TTLL4: variants seen among roughly 807,000 people sequenced by gnomAD.
TTLL4 encodes the protein tubulin tyrosine ligase like 4.
In TTLL4, 85 loss-of-function variants were observed where a neutral mutation model predicts 122.7. That is an observed-to-expected ratio of 0.69 (90% CI 0.58 to 0.83). The LOEUF is 0.83. Among genes scored for constraint, TTLL4 ranks in the 40% least tolerant of loss-of-function variants. The pLI, the probability that TTLL4 is intolerant of heterozygous loss-of-function variation, is 0.00. For synonymous variants in TTLL4, 553 were observed against 563.0 expected (o/e 0.98, Z 0.25); for missense variants, 1,363 against 1,488.6 (o/e 0.92, Z 1.39).
At chr2:218,752,106 C>T (rs891191072) in intron 16 of TTLL4, among the ~76,000 whole-genome samples, 1 of 152,058 alleles carries the variant, frequency 6.6e-6, no homozygotes, top group Non-Finnish European at 1.5e-5. Context: ...TGGGGTTTCT[C>T]CATGTTGGTC....
intron 5 of TTLL4, among the ~76,000 whole-genome samples, chr2:218,744,862 T>G (rs545678020): frequency 2.0e-5 from 3 of 152,308 alleles, no homozygotes; most frequent in Non-Finnish European, 4.4e-5. Context: ...ATTTTGGAGC[T>G]GTATTGCAGA....
Position 218,752,984 on chromosome 2 carries a change from C to T in TTLL4, c.3187+11C>T, listed in dbSNP as rs967037013. ...GCAACAAGCTTAAAGGTGATGTGCC[C>T]TCCCTGCCCTCAGAAAGCCAAGTTT... is the stretch of plus-strand genomic sequence containing the variant. On this transcript the variant is annotated intron_variant, in intron 17 of 19. Transcript: ENST00000392102. The T allele has an allele frequency of 1.2e-6, 2 of 1,614,156 alleles. No homozygotes were observed.
intron 7 of TTLL4, 42 bp downstream of exon 7, chr2:218,745,843 A>T: frequency 1.3e-6 from 2 of 1,549,194 alleles, no homozygotes; most frequent in Non-Finnish European, 8.9e-7. Context: ...TTTTGCCCCA[A>T]ATAGATGGGC....
intron 2 of TTLL4, among the ~76,000 whole-genome samples, chr2:218,737,068 C>T (rs1942544774): frequency 6.6e-6 from 1 of 152,098 alleles, no homozygotes; most frequent in South Asian, 2.1e-4. Flanking sequence ...TCTTGAACTC[C>T]TGGGCTCAAG....
chr2:218,734,571 G>A (rs1001615192), intron 2 of TTLL4, among the ~76,000 whole-genome samples: 1 of 152,210 alleles, frequency 6.6e-6, no homozygotes, highest in Admixed American at 6.5e-5. Flanking sequence ...GTTGGGTGAA[G>A]AAGAAGAAAG....
rs1208632327 is a variant in TTLL4 at position 218,748,955 on chromosome 2, G to A, written c.2600+21G>A. ...ATCTCGTGAGTCACATTGCCAACCTGGATGTGGGGCCTGCTGCTGACCCCC... is the reference window on the plus strand; with the variant it reads ...ATCTCGTGAGTCACATTGCCAACCTAGATGTGGGGCCTGCTGCTGACCCCC... On this transcript the variant is annotated intron_variant, in intron 13 of 19. Transcript: ENST00000392102. The A allele has an allele frequency of 1.9e-6, 3 of 1,610,496 alleles. No individual in the cohort carries two copies. The South Asian group carries it at 3.3e-5, about 18-fold the overall frequency.
rs145485253 is a variant in TTLL4 at position 218,747,722 on chromosome 2, G to C, written c.2375G>C (p.Cys792Ser). The C allele has an allele frequency of 2.0e-5, 32 of 1,614,106 alleles. No individual in the cohort carries two copies. The highest frequency in any genetic ancestry group is 3.3e-5 in the Admixed American group (2 of 60,008). The change falls in exon 11 of 20, where the codon TGC (cysteine) becomes TCC (serine). Residue 792 changes from cysteine (C) to serine (S), a missense_variant. Physicochemically the swap from Cys to Ser is moderately radical, Grantham distance 112 (BLOSUM62 -1). Transcript: ENST00000392102. The surrounding 1 kb of genome is among the most constrained non-coding windows in gnomAD (Gnocchi z 4.7). ...GATGGACTGGTCCGCTTTGCCAGTT[G>C]CAAGTATGTGACAGTGGTGAGGTAT... The part of the protein sequence containing the change: ...FSDGLVRFAS[C>S]KYSPSMKSLG...
rs536442551 is a variant in TTLL4, at chr2:218,750,964, A to C, written c.2874-740A>C. ...AGTACCTGAGATGTGTGAGGAAAAA[A>C]ACCCTATAACTTACCCTTCCAATAA... On this transcript the variant is annotated intron_variant, in intron 15 of 19. Transcript: ENST00000392102. Among the ~76,000 whole-genome samples, 94 of 152,260 alleles carry C rather than the reference A, an allele frequency of 6.2e-4. 1 individual carries two copies. The highest frequency in any genetic ancestry group is 7.6e-4 in the Non-Finnish European group (52 of 68,024).
chr2:218,752,681 T>C, intron 16 of TTLL4, 82 bp from the exon 17 acceptor site: 1 of 1,486,886 alleles, frequency 6.7e-7, no homozygotes, highest in Admixed American at 1.7e-5. Context: ...AGGGGTGTGC[T>C]CCCTGTTCCC....
intron 2 of TTLL4, among the ~76,000 whole-genome samples, chr2:218,734,813 G>A (rs1942472543): frequency 6.6e-6 from 1 of 152,172 alleles, no homozygotes; most frequent in Non-Finnish European, 1.5e-5. Flanking sequence ...TAATACACAT[G>A]CATGCGTGCT....
At chr2:218,721,105 T>C (rs1037220192) in intron 1 of TTLL4, among the ~76,000 whole-genome samples, 1 of 152,204 alleles carries the variant, frequency 6.6e-6, no homozygotes, top group African/African-American at 2.4e-5. Flanking sequence ...ATCTCTTCCA[T>C]GTGGCTGTTC....
downstream of TTLL4, among the ~76,000 whole-genome samples, chr2:218,758,345 T>C (rs1943189070): frequency 6.6e-6 from 1 of 152,224 alleles, no homozygotes; most frequent in Non-Finnish European, 1.5e-5. Context: ...CTACTCAGAA[T>C]AGTTATGGGA....
intron 15 of TTLL4, 198 bp from the exon 16 acceptor site, chr2:218,751,506 T>C: frequency 1.6e-6 from 1 of 625,830 alleles, no homozygotes; most frequent in Non-Finnish European, 2.0e-6. Context: ...GTTTGTATCC[T>C]TTTACTTAAT....
intron 2 of TTLL4, among the ~76,000 whole-genome samples, chr2:218,734,690 C>T (rs1330136049): frequency 6.6e-6 from 1 of 152,262 alleles, no homozygotes; most frequent in Non-Finnish European, 1.5e-5. Flanking sequence ...GTTTTCATTT[C>T]CCTAGGCATT....
rs749943317 is a variant in TTLL4, at chr2:218,747,419, G to A, written c.2249+47G>A. The A allele has an allele frequency of 6.9e-6, 11 of 1,599,316 alleles. No individual in the cohort carries two copies. Among genetic ancestry groups the A allele is most frequent in the South Asian group, 1.1e-5 (1 of 89,858 alleles). On this transcript the variant is annotated intron_variant, in intron 10 of 19. Coordinates refer to ENST00000392102, the MANE Select transcript of TTLL4 (RefSeq NM_014640.5). This position sits in a 1 kb window ranked among gnomAD's most constrained non-coding sequence, Gnocchi z 4.7. ...CTTACCCCATCCTCCCACCTCCTTG[G>A]CCTCGAGGTTCCCTTCTTACAATGT... is the stretch of plus-strand genomic sequence containing the variant.
At chr2:218,748,963 G>A in intron 13 of TTLL4, 29 bp downstream of exon 13, 1 of 1,606,098 alleles carries the variant, frequency 6.2e-7, no homozygotes, top group African/African-American at 1.3e-5. Flanking sequence ...CTGGATGTGG[G>A]GCCTGCTGCT....
chr2:218,749,289 T>G lies in TTLL4; in HGVS notation c.2637T>G (p.Tyr879Ter). 1 of 1,614,170 alleles carries G rather than the reference T, an allele frequency of 6.2e-7. No homozygotes were observed. Among genetic ancestry groups the G allele is most frequent in the Non-Finnish European group, 8.5e-7 (1 of 1,180,038 alleles). Residue 879 changes from tyrosine to a stop codon, truncating the protein, a stop_gained, in exon 14 of 20, where the codon TAT becomes TAG. Transcript: ENST00000392102. LOFTEE classifies it high-confidence loss of function. ...ATGTGACCAGCCTGCTCAAGATGTATGTGCGACGGCCCTATAGCTGCCATG... is the reference window on the plus strand; with the variant it reads ...ATGTGACCAGCCTGCTCAAGATGTAGGTGCGACGGCCCTATAGCTGCCATG... ...EPYVTSLLKMYVRRPYSCHEL... is the reference protein window; with the variant it reads ...EPYVTSLLKM
chr2:218,748,725 G>T lies in TTLL4; in HGVS notation c.2502-111G>T, dbSNP rs962524493. ...TCATCTCTTTCATAATTTAAACTGCGAAAGGAAGAGATATGAAGAAAATAC... is the reference window on the plus strand; with the variant it reads ...TCATCTCTTTCATAATTTAAACTGCTAAAGGAAGAGATATGAAGAAAATAC... On this transcript the variant is annotated intron_variant, in intron 12 of 19. Transcript: ENST00000392102. 51 of 819,552 alleles carry T rather than the reference G, an allele frequency of 6.2e-5. No individual in the cohort carries two copies. The East Asian group carries it at 1.3e-3, about 21-fold the overall frequency. The allele number at this position is 819,552 out of a possible 1,614,324, so 50.8% of individuals were successfully genotyped here.
chr2:218,726,082 G>A (rs1035341681), intron 1 of TTLL4, among the ~76,000 whole-genome samples: 1 of 151,856 alleles, frequency 6.6e-6, no homozygotes, highest in African/African-American at 2.4e-5. Context: ...ACTATCTTTA[G>A]CATTACTTTT....
Sources: gnomAD v4.1 joint callset for allele counts (sites outside exome capture counted in the v4.1 genomes callset) on GRCh38, gnomAD v4.1.1 for gene constraint, Gnocchi (gnomAD v3.1) non-coding constraint, MANE v1.5 for transcripts, NCBI Gene and HGNC (gene_info 2026-07-23, HGNC 2026-07-21) for gene names.